Variants in TPRX1 observed in about 807,000 individuals in gnomAD.
TPRX1 encodes the protein tetrapeptide repeat homeobox 1.
TPRX1 carries 2 observed loss-of-function variants against 8.1 expected under a neutral mutation model. That is an observed-to-expected ratio of 0.25 (90% CI 0.10 to 0.78). The LOEUF is 0.78. TPRX1 is among the 30% of genes least tolerant of loss of function. The probability of loss-of-function intolerance (pLI) is 0.70; values close to 1 mark genes in which losing one functional copy is unlikely to be tolerated. For missense variants in TPRX1, 517 were observed against 586.9 expected, an observed-to-expected ratio of 0.88 and a Z score of 1.23; for synonymous variants, 257 against 254.1, an observed-to-expected ratio of 1.01 and a Z score of -0.11.
At chr19:47,809,673 T>C (rs570842765) in intron 2 of TPRX1, among the ~76,000 whole-genome samples, 1 of 152,228 alleles carries the variant, frequency 6.6e-6, no homozygotes, top group South Asian at 2.1e-4. Context: ...TTTCCTGCTG[T>C]TTATAATTAT....
rs1280651933 is a variant in TPRX1, at chr19:47,802,709, G to A, written c.593C>T (p.Ala198Val). 1.9e-6 allele frequency: 3 copies of A among 1,586,836 alleles called. No individual in the cohort carries two copies. The South Asian group carries it at 3.4e-5, about 18-fold the overall frequency. ...GATCTGGGCTGGGCCTGGGATTGGG[G>A]CAGGGATCGGGCCAGGGCCTGGACT... The change falls in exon 4 of 4, where the codon GCC becomes GTC. Residue 198 changes from alanine to valine, a missense_variant. Around this residue, in one of 3 missense-constraint regions of TPRX1, gnomAD observed 506 missense variants for 515.5 expected, o/e 0.98. Transcript: ENST00000535759.
At chr19:47,818,923 G>A (rs191840957) in intron 1 of TPRX1, 99 of 272,402 alleles carry the variant, frequency 3.6e-4, no homozygotes, top group African/African-American at 2.1e-3. Context: ...GCCCCTGTGT[G>A]TGATGTTCCC....
chr19:47,806,456 G>A (rs928613857), intron 2 of TPRX1, among the ~76,000 whole-genome samples: 1 of 152,048 alleles, frequency 6.6e-6, no homozygotes, highest in Non-Finnish European at 1.5e-5. Flanking sequence ...GGAGGCAGAG[G>A]TTGCAGGGAG....
chr19:47,801,701 A>G (rs1199215433), exon 4 of TPRX1: 5 of 1,511,684 alleles, frequency 3.3e-6, no homozygotes, highest in Non-Finnish European at 4.4e-6. Flanking sequence ...CATTCACTGC[A>G]GAAAGTCACC....
intron 2 of TPRX1, among the ~76,000 whole-genome samples, chr19:47,813,942 G>T (rs1967808183): frequency 6.6e-6 from 1 of 150,732 alleles, no homozygotes; most frequent in African/African-American, 2.4e-5. Context: ...GGACAGAGAA[G>T]GGCGTGGTGG....
At chr19:47,803,980 T>C (rs975260163) in intron 2 of TPRX1, among the ~76,000 whole-genome samples, 6 of 151,618 alleles carry the variant, frequency 4.0e-5, no homozygotes, top group Non-Finnish European at 5.9e-5. Flanking sequence ...CCAAGGGTTA[T>C]AGGGACCCTG....
intron 2 of TPRX1, among the ~76,000 whole-genome samples, chr19:47,817,872 G>A (rs562247072): frequency 1.3e-5 from 2 of 152,208 alleles, no homozygotes; most frequent in South Asian, 4.1e-4. Flanking sequence ...CCATGTTCAG[G>A]GCCCTCCCTT....
intron 2 of TPRX1, among the ~76,000 whole-genome samples, chr19:47,810,993 G>GT (rs71334234): frequency 0.26 from 35,318 of 137,394 alleles, 4,795 homozygotes; most frequent in Middle Eastern, 0.36. Flanking sequence ...CTTGCTCTCT[G>GT]TTTTTTTTTT....
intron 2 of TPRX1, among the ~76,000 whole-genome samples, chr19:47,810,127 C>T (rs1026649236): frequency 1.1e-4 from 17 of 150,258 alleles, no homozygotes; most frequent in African/African-American, 1.7e-4. Context: ...TGGTGGAGGG[C>T]GCCTGTAATC....
intron 2 of TPRX1, among the ~76,000 whole-genome samples, chr19:47,813,542 C>A (rs368777741): frequency 3.7e-4 from 57 of 152,210 alleles, no homozygotes; most frequent in African/African-American, 1.0e-3. Context: ...ACTTTCCAGG[C>A]GCGGGGAGCA....
At chr19:47,807,992 C>A (rs1967749672) in intron 2 of TPRX1, among the ~76,000 whole-genome samples, 1 of 151,992 alleles carries the variant, frequency 6.6e-6, no homozygotes. Context: ...GCAGTGGAGT[C>A]AATCGAAACT....
intron 2 of TPRX1, among the ~76,000 whole-genome samples, chr19:47,813,545 G>A (rs975786381): frequency 6.6e-6 from 1 of 152,070 alleles, no homozygotes; most frequent in Non-Finnish European, 1.5e-5. Context: ...TTCCAGGCGC[G>A]GGGAGCAAGA....
intron 2 of TPRX1, among the ~76,000 whole-genome samples, chr19:47,808,798 C>G (rs1048479880): frequency 1.3e-5 from 2 of 152,062 alleles, no homozygotes; most frequent in African/African-American, 4.8e-5. Flanking sequence ...AAAATACTTG[C>G]TCCGCTGTGA....
chr19:47,801,956 T>G, exon 4 of TPRX1: 1 of 1,613,904 alleles, frequency 6.2e-7, no homozygotes, highest in Non-Finnish European at 8.5e-7. Context: ...CTCTGTGAAG[T>G]GAGGGAATAA....
chr19:47,812,599 G>A (rs1044724385), intron 2 of TPRX1, among the ~76,000 whole-genome samples: 32 of 152,034 alleles, frequency 2.1e-4, no homozygotes, highest in African/African-American at 7.7e-4. Context: ...GTCGGGCATG[G>A]TGGTGTGTGC....
chr19:47,811,040 G>C (rs1967778346), intron 2 of TPRX1, among the ~76,000 whole-genome samples: 1 of 147,862 alleles, frequency 6.8e-6, no homozygotes, highest in Non-Finnish European at 1.5e-5. Flanking sequence ...ATCTCTCTCT[G>C]TCACCCAGGC....
intron 2 of TPRX1, among the ~76,000 whole-genome samples, chr19:47,809,722 C>G (rs1382249024): frequency 6.6e-6 from 1 of 152,082 alleles, no homozygotes; most frequent in Non-Finnish European, 1.5e-5. Flanking sequence ...AGAAGCATTT[C>G]TGGCCTTGAA....
At chr19:47,805,843 A>G (rs1358130872) in intron 2 of TPRX1, among the ~76,000 whole-genome samples, 1 of 152,238 alleles carries the variant, frequency 6.6e-6, no homozygotes, top group African/African-American at 2.4e-5. Flanking sequence ...TAGACATTTA[A>G]ATATAAGCAA....
At chr19:47,818,274 TC>T in intron 2 of TPRX1, among the ~76,000 whole-genome samples, 1 of 129,216 alleles carries the variant, frequency 7.7e-6, no homozygotes, top group African/African-American at 4.2e-5. Flanking sequence ...CATCCATCCA[TC>T]CATCACCCAT....
Sources: allele counts gnomAD v4.1 joint callset (sites outside exome capture counted in the v4.1 genomes callset), GRCh38; gene constraint gnomAD v4.1.1; regional missense constraint gnomAD v4.1.1; transcripts MANE v1.5; gene names NCBI Gene and HGNC (gene_info 2026-07-23, HGNC 2026-07-21).